LRMDA: variants seen among roughly 807,000 people sequenced by gnomAD.
The protein encoded by LRMDA is leucine rich melanocyte differentiation associated.
LRMDA carries 18 observed loss-of-function variants against 29.8 expected under a neutral mutation model. That is an observed-to-expected ratio of 0.60 (90% CI 0.42 to 0.90). The LOEUF (loss-of-function observed/expected upper bound fraction) is 0.90, where lower values mean the gene tolerates loss of function less well. Ranked by LOEUF, LRMDA falls within the 40% of genes least tolerant of loss-of-function variation. The probability of loss-of-function intolerance (pLI) is 0.00; values close to 1 mark genes in which losing one functional copy is unlikely to be tolerated. For synonymous variants in LRMDA, 125 were observed against 109.4 expected (o/e 1.14, Z -0.89); for missense variants, 273 against 273.9 (o/e 1.00, Z 0.02).
chr10:75,923,821 C>T (rs917145968), intron 2 of LRMDA, among the ~76,000 whole-genome samples: 32 of 151,956 alleles, frequency 2.1e-4, no homozygotes, highest in African/African-American at 7.5e-4. Flanking sequence ...TTTTTGCACC[C>T]CTCCCTTACC....
At chr10:75,580,773 C>A (rs1011328454) in intron 2 of LRMDA, among the ~76,000 whole-genome samples, 1 of 152,168 alleles carries the variant, frequency 6.6e-6, no homozygotes, top group African/African-American at 2.4e-5. Context: ...AACACATCTA[C>A]AACCATCTAG....
At chr10:75,825,773 GGAAACTGTCA>G (rs1844237674) in intron 2 of LRMDA, among the ~76,000 whole-genome samples, 1 of 152,128 alleles carries the variant, frequency 6.6e-6, no homozygotes, top group Admixed American at 6.5e-5. Context: ...GCCAAGTGCT[GGAAACTGTCA>G]GAGAAAGCCA....
intron 2 of LRMDA, among the ~76,000 whole-genome samples, chr10:75,511,415 A>G (rs1282992528): frequency 6.6e-6 from 1 of 152,182 alleles, no homozygotes; most frequent in East Asian, 1.9e-4. Flanking sequence ...CCCTCAACAT[A>G]CTGTGGGACT....
intron 5 of LRMDA, among the ~76,000 whole-genome samples, chr10:76,144,861 C>A (rs576910760): frequency 4.6e-5 from 7 of 152,128 alleles, no homozygotes; most frequent in African/African-American, 1.4e-4. Flanking sequence ...TTTTGAGATA[C>A]GTCCCATCAA....
At chr10:75,692,861 T>C (rs1355775663) in intron 2 of LRMDA, among the ~76,000 whole-genome samples, 1 of 152,112 alleles carries the variant, frequency 6.6e-6, no homozygotes, top group Non-Finnish European at 1.5e-5. Context: ...GCCTCTATAA[T>C]GCTGAGCATC....
intron 6 of LRMDA, among the ~76,000 whole-genome samples, chr10:76,549,963 G>A (rs1324051029): frequency 6.6e-6 from 1 of 152,154 alleles, no homozygotes; most frequent in African/African-American, 2.4e-5. Flanking sequence ...ATTTAGATCT[G>A]CAATATTTTA....
At chr10:75,832,601 T>G (rs1328553454) in intron 2 of LRMDA, among the ~76,000 whole-genome samples, 2 of 152,194 alleles carry the variant, frequency 1.3e-5, no homozygotes, top group African/African-American at 4.8e-5. Flanking sequence ...GGCACCCCAT[T>G]CTTGGTACCA....
chr10:75,484,479 A>G (rs932161351), intron 2 of LRMDA, among the ~76,000 whole-genome samples: 4 of 152,168 alleles, frequency 2.6e-5, no homozygotes, highest in Non-Finnish European at 5.9e-5. Flanking sequence ...ATTGGTTTTC[A>G]TAAGAGCAAT....
chr10:76,039,440 AT>A (rs1311687968), intron 3 of LRMDA, among the ~76,000 whole-genome samples: 1 of 152,126 alleles, frequency 6.6e-6, no homozygotes, highest in African/African-American at 2.4e-5. Flanking sequence ...TTTATTTTAA[AT>A]TTTTTTGGTT....
At chr10:75,448,353 G>A (rs1275080093) in intron 2 of LRMDA, among the ~76,000 whole-genome samples, 2 of 152,052 alleles carry the variant, frequency 1.3e-5, no homozygotes, top group Non-Finnish European at 2.9e-5. Context: ...AATTTGGGCC[G>A]CACTGCCCCA....
intron 6 of LRMDA, among the ~76,000 whole-genome samples, chr10:76,332,341 A>G (rs921687633): frequency 2.0e-5 from 3 of 152,178 alleles, no homozygotes; most frequent in Admixed American, 6.5e-5. Context: ...ATAGGGGTCC[A>G]TTTCCTCTCC....
At chr10:76,055,063 C>CAAAA (rs531729040) in intron 4 of LRMDA, among the ~76,000 whole-genome samples, 51 of 45,910 alleles carry the variant, frequency 1.1e-3, no homozygotes, top group African/African-American at 1.3e-3. Context: ...GACTCCATCT[C>CAAAA]AAAAAAAAAA....
chr10:76,204,745 A>G (rs1851503533), intron 5 of LRMDA, among the ~76,000 whole-genome samples: 1 of 152,246 alleles, frequency 6.6e-6, no homozygotes, highest in Non-Finnish European at 1.5e-5. Context: ...CCAAGGTCCC[A>G]ATCTAGGGCT....
intron 2 of LRMDA, among the ~76,000 whole-genome samples, chr10:75,749,012 G>T (rs1310603162): frequency 6.6e-6 from 1 of 152,046 alleles, no homozygotes; most frequent in Non-Finnish European, 1.5e-5. Flanking sequence ...GAACTGCATG[G>T]ATCCACTTAT....
intron 5 of LRMDA, among the ~76,000 whole-genome samples, chr10:76,221,218 G>A (rs1213641784): frequency 1.1e-4 from 17 of 152,180 alleles, no homozygotes; most frequent in African/African-American, 3.1e-4. Context: ...GCACAAGACA[G>A]GGATGCCCTC....
intron 2 of LRMDA, among the ~76,000 whole-genome samples, chr10:75,937,368 T>G (rs1272258074): frequency 6.6e-6 from 1 of 152,254 alleles, no homozygotes; most frequent in East Asian, 1.9e-4. Context: ...ATTTTGGAGC[T>G]GCTGTTGTAT....
intron 6 of LRMDA, among the ~76,000 whole-genome samples, chr10:76,452,190 T>C (rs560981039): frequency 5.3e-5 from 8 of 152,262 alleles, no homozygotes; most frequent in African/African-American, 1.9e-4. Context: ...TGCTCTTATT[T>C]TGCTTCTTCA....
intron 2 of LRMDA, among the ~76,000 whole-genome samples, chr10:75,688,719 T>G (rs1461927061): frequency 6.6e-6 from 1 of 152,162 alleles, no homozygotes; most frequent in Non-Finnish European, 1.5e-5. Context: ...AGAGAACTCT[T>G]TCGTGAAAGG....
chr10:75,443,493 ATGTGG>A (rs1214247137), intron 2 of LRMDA, among the ~76,000 whole-genome samples: 1 of 152,198 alleles, frequency 6.6e-6, no homozygotes, highest in Non-Finnish European at 1.5e-5. Context: ...ATATCAATAA[ATGTGG>A]TATATCACAT....
Sources: gnomAD v4.1 joint callset for allele counts (sites outside exome capture counted in the v4.1 genomes callset) on GRCh38, gnomAD v4.1.1 for gene constraint, MANE v1.5 for transcripts, NCBI Gene and HGNC (gene_info 2026-07-23, HGNC 2026-07-21) for gene names.